Variants in DOK6 observed in about 807,000 individuals in gnomAD.
DOK6 encodes the protein downstream of tyrosine kinase 6.
Under a neutral mutation model 44.0 loss-of-function variants are expected in DOK6, and 22 were observed. The observed-to-expected ratio is 0.50, with a 90% CI of 0.36 to 0.71. The LOEUF (loss-of-function observed/expected upper bound fraction) is 0.71. DOK6 is among the 30% of genes least tolerant of loss of function. The probability of loss-of-function intolerance (pLI) is 0.00; values close to 1 mark genes in which losing one functional copy is unlikely to be tolerated. For synonymous variants in DOK6, 166 were observed against 145.5 expected (o/e 1.14, Z -1.01); for missense variants, 340 against 416.4 (o/e 0.82, Z 1.60).
Position 69,744,140 on chromosome 18 carries a change from G to A in DOK6, c.738+5037G>A, listed in dbSNP as rs552299045. Among the ~76,000 whole-genome samples the A allele has an allele frequency of 6.0e-4, 91 of 152,024 alleles. 1 individual carries two copies. Among genetic ancestry groups the A allele is most frequent in the South Asian group, 2.7e-3 (13 of 4,814 alleles). On this transcript the variant is annotated intron_variant, in intron 6 of 7. Transcript: ENST00000382713. ...AGCCTGGCCAACATGGTTAAACCCCGTCTCTACTAAAAATACAAAAATTAG... is the reference window on the plus strand; with the variant it reads ...AGCCTGGCCAACATGGTTAAACCCCATCTCTACTAAAAATACAAAAATTAG...
chr18:69,445,213 T>C (rs531539985), intron 1 of DOK6, among the ~76,000 whole-genome samples: 2 of 152,302 alleles, frequency 1.3e-5, no homozygotes, highest in African/African-American at 2.4e-5. Context: ...GTTTAATAGA[T>C]TTGTGTGTGG....
At chr18:69,779,673 A>C (rs1002376173) in intron 7 of DOK6, among the ~76,000 whole-genome samples, 2 of 147,986 alleles carry the variant, frequency 1.4e-5, no homozygotes, top group Non-Finnish European at 3.0e-5. Flanking sequence ...TAACAATAGG[A>C]GAGGTCTCTC....
intron 1 of DOK6, among the ~76,000 whole-genome samples, chr18:69,557,956 T>G (rs544962958): frequency 1.3e-5 from 2 of 152,264 alleles, no homozygotes; most frequent in Admixed American, 1.3e-4. Flanking sequence ...CTACTGCTAA[T>G]GGAGGTCATT....
chr18:69,707,572 T>C (rs763193322), intron 5 of DOK6, among the ~76,000 whole-genome samples: 39 of 152,158 alleles, frequency 2.6e-4, no homozygotes, highest in Non-Finnish European at 5.0e-4. Context: ...TCATCACTTA[T>C]CCTTAAGTGA....
intron 7 of DOK6, among the ~76,000 whole-genome samples, chr18:69,759,346 G>T (rs1007613741): frequency 3.9e-5 from 6 of 152,028 alleles, no homozygotes; most frequent in Non-Finnish European, 8.8e-5. Flanking sequence ...TGTAATATAA[G>T]ATTTTTATTT....
At chr18:69,447,373 G>A (rs574704621) in intron 1 of DOK6, among the ~76,000 whole-genome samples, 2 of 152,216 alleles carry the variant, frequency 1.3e-5, no homozygotes, top group South Asian at 2.1e-4. Flanking sequence ...GTAGATGTGT[G>A]GAGTTATTTC....
chr18:69,812,321 T>C (rs1373578208), intron 7 of DOK6, among the ~76,000 whole-genome samples: 4 of 152,164 alleles, frequency 2.6e-5, no homozygotes, highest in Non-Finnish European at 5.9e-5. Flanking sequence ...GGGAATATAG[T>C]GATAATACTG....
chr18:69,501,834 G>T (rs918161017), intron 1 of DOK6, among the ~76,000 whole-genome samples: 1 of 151,902 alleles, frequency 6.6e-6, no homozygotes, highest in African/African-American at 2.4e-5. Flanking sequence ...ATAAAGGTTA[G>T]AATATTAGAA....
At chr18:69,740,260 G>A (rs944635734) in intron 6 of DOK6, among the ~76,000 whole-genome samples, 1 of 152,028 alleles carries the variant, frequency 6.6e-6, no homozygotes, top group Non-Finnish European at 1.5e-5. Flanking sequence ...GAAAGATTTG[G>A]GTTAACTTTA....
chr18:69,529,068 G>A (rs1981915003), intron 1 of DOK6, among the ~76,000 whole-genome samples: 1 of 152,130 alleles, frequency 6.6e-6, no homozygotes, highest in Admixed American at 6.5e-5. Context: ...TTCTCTTTGT[G>A]TGTGTGTGCT....
Position 69,439,140 on chromosome 18 carries a change from A to G in DOK6, c.66+37830A>G, listed in dbSNP as rs916738052. On this transcript the variant is annotated intron_variant, in intron 1 of 7. Coordinates refer to ENST00000382713, the MANE Select transcript of DOK6 (RefSeq NM_152721.6). ...TCTTGGGTAACCAGGTATATTGTCA[A>G]TGATCTGTAATATTTCAAAAGGAAT... Among the ~76,000 whole-genome samples, 9 of 151,016 alleles carry G rather than the reference A, an allele frequency of 6.0e-5. No homozygotes were observed. The East Asian group carries it at 9.9e-4, about 17-fold the overall frequency.
chr18:69,718,548 CAG>C (rs1234645397), intron 5 of DOK6, among the ~76,000 whole-genome samples: 1 of 152,108 alleles, frequency 6.6e-6, no homozygotes, highest in Non-Finnish European at 1.5e-5. Context: ...GTTAATAAAA[CAG>C]AGAAATTGTT....
At chr18:69,410,783 C>A (rs1312995559) in intron 1 of DOK6, among the ~76,000 whole-genome samples, 1 of 152,108 alleles carries the variant, frequency 6.6e-6, no homozygotes, top group Non-Finnish European at 1.5e-5. Context: ...TTAAATTGTA[C>A]TTAATTTAAG....
chr18:69,543,918 G>T (rs1301586665), intron 1 of DOK6, among the ~76,000 whole-genome samples: 1 of 151,304 alleles, frequency 6.6e-6, no homozygotes, highest in Admixed American at 6.6e-5. Context: ...TATATTGAAG[G>T]GGTAATGATG....
intron 2 of DOK6, among the ~76,000 whole-genome samples, chr18:69,590,887 G>A (rs1252672886): frequency 6.6e-6 from 1 of 152,116 alleles, no homozygotes; most frequent in Non-Finnish European, 1.5e-5. Context: ...AGATGTTGTG[G>A]GTCCAGGAGG....
At chr18:69,577,099 A>G (rs1983257396) in intron 2 of DOK6, among the ~76,000 whole-genome samples, 2 of 152,150 alleles carry the variant, frequency 1.3e-5, no homozygotes, top group African/African-American at 4.8e-5. Context: ...CCTTGGCAGT[A>G]TTTATCCTTA....
chr18:69,769,407 G>C (rs1408012123), intron 7 of DOK6, among the ~76,000 whole-genome samples: 1 of 152,022 alleles, frequency 6.6e-6, no homozygotes, highest in East Asian at 1.9e-4. Context: ...TTCTGTATGT[G>C]CTCAAAAAAG....
chr18:69,460,209 G>A (rs1979749930), intron 1 of DOK6, among the ~76,000 whole-genome samples: 1 of 152,132 alleles, frequency 6.6e-6, no homozygotes, highest in Non-Finnish European at 1.5e-5. Context: ...GATGTAAATA[G>A]AAAGACATAT....
At chr18:69,449,954 T>TG (rs1193949569) in intron 1 of DOK6, among the ~76,000 whole-genome samples, 34 of 140,928 alleles carry the variant, frequency 2.4e-4, no homozygotes, top group African/African-American at 8.4e-4. Context: ...ACCACAAAGA[T>TG]GGGGAAAAAA....
Sources: allele counts gnomAD v4.1 joint callset (sites outside exome capture counted in the v4.1 genomes callset), GRCh38; gene constraint gnomAD v4.1.1; transcripts MANE v1.5; gene names NCBI Gene and HGNC (gene_info 2026-07-23, HGNC 2026-07-21).